The following CFAP58 variants were observed in gnomAD, a reference collection of about 807,000 sequenced individuals.
The protein encoded by CFAP58 is cilia and flagella associated protein 58, also known as cilia- and flagella-associated protein 58.
A neutral mutation model predicts 119.5 loss-of-function variants in CFAP58; 88 were observed. The ratio of observed to expected loss-of-function variants is 0.74; its 90% confidence interval spans 0.62 to 0.88. The LOEUF (loss-of-function observed/expected upper bound fraction) is 0.88, where lower values mean the gene tolerates loss of function less well. Ranked by LOEUF, CFAP58 falls within the 40% of genes least tolerant of loss-of-function variation. The pLI, the probability that CFAP58 is intolerant of heterozygous loss-of-function variation, is 0.00. For missense variants in CFAP58, 990 were observed against 1,021.2 expected, an observed-to-expected ratio of 0.97 and a Z score of 0.42; for synonymous variants, 365 against 366.3, an observed-to-expected ratio of 1.00 and a Z score of 0.04.
upstream of CFAP58, among the ~76,000 whole-genome samples, chr10:104,349,049 C>G (rs1332715325): frequency 3.9e-5 from 6 of 152,128 alleles, no homozygotes; most frequent in Non-Finnish European, 8.8e-5. Flanking sequence ...GAGTTTGAGA[C>G]CAGCCTGGCT....
At chr10:104,345,514 T>A in the CFAP58 span, among the ~76,000 whole-genome samples, 2 of 152,124 alleles carry the variant, frequency 1.3e-5, no homozygotes, top group Non-Finnish European at 2.9e-5. Flanking sequence ...GTTTATAAGT[T>A]AATTGTATCT....
At chr10:104,394,313 C>G (rs567790963) in intron 11 of CFAP58, among the ~76,000 whole-genome samples, 3 of 152,302 alleles carry the variant, frequency 2.0e-5, no homozygotes, top group African/African-American at 7.2e-5. Context: ...AATAATGCCA[C>G]TTTTGTTATG....
chr10:104,419,175 A>G (rs1395966377), intron 15 of CFAP58, among the ~76,000 whole-genome samples: 1 of 152,118 alleles, frequency 6.6e-6, no homozygotes, highest in Non-Finnish European at 1.5e-5. Context: ...GGAAGGAGCA[A>G]TTGGAGGCAG....
At chr10:104,418,047 A>C (rs11596485) in intron 15 of CFAP58, among the ~76,000 whole-genome samples, 22,473 of 152,272 alleles carry the variant, frequency 0.15, 1,852 homozygotes, top group Middle Eastern at 0.31. Context: ...AAGACATATA[A>C]AATTGTGATG....
intron 15 of CFAP58, among the ~76,000 whole-genome samples, chr10:104,435,203 C>T (rs2012913004): frequency 5.3e-5 from 8 of 152,228 alleles, no homozygotes; most frequent in South Asian, 2.1e-4. Context: ...GTAAACAGGC[C>T]GGACATGTTG....
rs567567773 is a variant in CFAP58, at chr10:104,376,428, C to G, written c.1091-383C>G. On this transcript the variant is annotated intron_variant, in intron 7 of 17. Transcript: ENST00000369704. The stretch of plus-strand genomic sequence containing the variant: ...GTTGAGGCAGGAAAATCCCTTGAAC[C>G]TGGGAGGCGGAGGTTGTAGAGCCGA... 2.4e-4 allele frequency among the ~76,000 whole-genome samples: 36 copies of G among 149,110 alleles called. 1 individual carries two copies. The highest frequency in any genetic ancestry group is 8.2e-4 in the African/African-American group (33 of 40,358).
At position 104,399,498 on chromosome 10, in the gene CFAP58, C is replaced by A; in HGVS notation, c.1813C>A (p.Gln605Lys). Residue 605 changes from glutamine (Q) to lysine (K), a missense_variant and splice_region_variant, in exon 12 of 18, where the codon CAG becomes AAG. Gln to Lys is a moderately conservative substitution (Grantham distance 53, BLOSUM62 1). Coordinates refer to ENST00000369704, the MANE Select transcript of CFAP58 (RefSeq NM_001008723.2). Reference protein sequence around the residue: ...ERLRQKKELDQVISERDILGS... With the variant: ...ERLRQKKELDKVISERDILGS... The stretch of plus-strand genomic sequence containing the variant: ...GTTGAGACAGAAGAAGGAATTAGAC[C>A]AGGTAGAGCATCTCCTTGTCAGACT... The A allele has an allele frequency of 1.9e-6, 3 of 1,613,110 alleles. No homozygotes were observed. The highest frequency in any genetic ancestry group is 2.5e-6 in the Non-Finnish European group (3 of 1,179,544).
Position 104,353,870 on chromosome 10 carries a change from T to C in CFAP58, c.-28T>C, listed in dbSNP as rs757592921. The C allele has an allele frequency of 1.2e-6, 2 of 1,611,722 alleles. No individual in the cohort carries two copies. The highest frequency in any genetic ancestry group is 3.3e-5 in the Admixed American group (2 of 59,940). On this transcript the variant is annotated 5_prime_UTR_variant, in exon 1 of 18. Transcript: ENST00000369704. ...AGCTCCTGCGATCTCCACAGCAGCCTCTGAGGCCGCCCCCAGAGAGCATCA... is the reference window on the plus strand; with the variant it reads ...AGCTCCTGCGATCTCCACAGCAGCCCCTGAGGCCGCCCCCAGAGAGCATCA...
At chr10:104,376,972 G>A in intron 8 of CFAP58, 79 bp downstream of exon 8, 1 of 1,154,220 alleles carries the variant, frequency 8.7e-7, no homozygotes, top group East Asian at 2.4e-5. Flanking sequence ...AGTTGGATGG[G>A]AAAAGAAAAC....
At chr10:104,384,358 C>T (rs1220774261) in intron 9 of CFAP58, among the ~76,000 whole-genome samples, 1 of 152,294 alleles carries the variant, frequency 6.6e-6, no homozygotes, top group Admixed American at 6.5e-5. Flanking sequence ...TCTGCCACCA[C>T]CCTAGGGTAC....
intron 9 of CFAP58, 60 bp from the exon 10 acceptor site, chr10:104,392,173 C>T: frequency 6.7e-7 from 1 of 1,484,058 alleles, no homozygotes; most frequent in South Asian, 1.2e-5. Flanking sequence ...TCCATTTGTC[C>T]TGAACCAATA....
In CFAP58 at chr10:104,454,601, A is replaced by C; in HGVS notation, c.*71A>C. ...CTCTGGGACATTTTGGGGGAATCTC[A>C]AAGTCCTTGGATCATAGAACTGAGT... On this transcript the variant is annotated 3_prime_UTR_variant, in exon 18 of 18. Coordinates refer to ENST00000369704, the MANE Select transcript of CFAP58 (RefSeq NM_001008723.2). The C allele has an allele frequency of 1.9e-5, 22 of 1,133,310 alleles. No homozygotes were observed. The highest frequency in any genetic ancestry group is 2.8e-5 in the Non-Finnish European group (21 of 746,026). 70.2% of individuals were successfully genotyped at this position (1,133,310 alleles called of 1,614,324 possible).
At chr10:104,435,269 G>A (rs1430341001) in intron 15 of CFAP58, among the ~76,000 whole-genome samples, 1 of 152,204 alleles carries the variant, frequency 6.6e-6, no homozygotes, top group African/African-American at 2.4e-5. Flanking sequence ...ATCATTTGAG[G>A]TCAGGAGTTC....
At chr10:104,344,850 A>G in the CFAP58 span, among the ~76,000 whole-genome samples, 1 of 152,046 alleles carries the variant, frequency 6.6e-6, no homozygotes, top group Non-Finnish European at 1.5e-5. Context: ...AGAAAGCAAC[A>G]TACCTAACAG....
chr10:104,368,471 A>C lies in CFAP58; in HGVS notation c.841A>C (p.Asn281His), dbSNP rs1163534050. 1.1e-5 allele frequency: 17 copies of C among 1,613,852 alleles called. No individual in the cohort carries two copies. In the East Asian group the frequency reaches 3.8e-4, roughly 36 times the overall value. ...GGAACTCGAGCAATTTCAGATGAGA[A>C]ATGCTAAACTTCAGCAAGAGAATGA... The part of the protein sequence containing the change: ...AKELEQFQMR[N>H]AKLQQENEQH... Residue 281 changes from asparagine to histidine, a missense_variant, in exon 6 of 18, where the codon AAT becomes CAT. Coordinates refer to ENST00000369704, the MANE Select transcript of CFAP58 (RefSeq NM_001008723.2).
intron 12 of CFAP58, among the ~76,000 whole-genome samples, chr10:104,399,877 C>T (rs375627535): frequency 7.9e-5 from 12 of 152,154 alleles, no homozygotes; most frequent in Admixed American, 2.6e-4. Context: ...AACCTTATCA[C>T]GATGTCGGCA....
chr10:104,369,799 G>A (rs893928484), intron 6 of CFAP58, among the ~76,000 whole-genome samples: 1 of 152,186 alleles, frequency 6.6e-6, no homozygotes, highest in African/African-American at 2.4e-5. Flanking sequence ...ATTGTTATGA[G>A]CTGAGATAAT....
At chr10:104,391,920 T>G (rs2012052031) in intron 9 of CFAP58, among the ~76,000 whole-genome samples, 1 of 152,210 alleles carries the variant, frequency 6.6e-6, no homozygotes, top group Admixed American at 6.5e-5. Context: ...TTTCCCTTTT[T>G]TGGGGGTAGG....
chr10:104,377,222 T>G (rs2011690413), intron 8 of CFAP58, among the ~76,000 whole-genome samples: 1 of 152,234 alleles, frequency 6.6e-6, no homozygotes, highest in Admixed American at 6.5e-5. Context: ...ATTTCTGAAT[T>G]TAATATCTAT....
Sources: gnomAD v4.1 joint callset for allele counts (sites outside exome capture counted in the v4.1 genomes callset) on GRCh38, gnomAD v4.1.1 for gene constraint, MANE v1.5 for transcripts, NCBI Gene and HGNC (gene_info 2026-07-23, HGNC 2026-07-21) for gene names.